SCFD2: variants seen among roughly 807,000 people sequenced by gnomAD.
SCFD2 encodes the protein sec1 family domain-containing protein 2.
Under a neutral mutation model 58.9 loss-of-function variants are expected in SCFD2, and 54 were observed. The observed-to-expected ratio is 0.92, with a 90% CI of 0.74 to 1.15. The LOEUF (loss-of-function observed/expected upper bound fraction) is 1.15, where lower values mean the gene tolerates loss of function less well. Ranked by LOEUF, SCFD2 falls within the 50% of genes most tolerant of loss-of-function variation. The pLI is 0.00. For synonymous variants in SCFD2, 321 were observed against 335.9 expected, an observed-to-expected ratio of 0.96 and a Z score of 0.49; for missense variants, 805 against 836.6, an observed-to-expected ratio of 0.96 and a Z score of 0.47.
chr4:53,227,970 GCA>G (rs1729278589), intron 4 of SCFD2, among the ~76,000 whole-genome samples: 1 of 152,088 alleles, frequency 6.6e-6, no homozygotes, highest in African/African-American at 2.4e-5. Flanking sequence ...GTTATTGAAA[GCA>G]CAGACTTTGG....
At chr4:53,135,806 G>GACTAT (rs1396613570) in intron 5 of SCFD2, among the ~76,000 whole-genome samples, 1 of 151,446 alleles carries the variant, frequency 6.6e-6, no homozygotes, top group Non-Finnish European at 1.5e-5. Flanking sequence ...CTTTTAGTAA[G>GACTAT]ACTATACATC....
chr4:53,057,146 C>T (rs1723366002), intron 5 of SCFD2, among the ~76,000 whole-genome samples: 1 of 152,144 alleles, frequency 6.6e-6, no homozygotes, highest in African/African-American at 2.4e-5. Context: ...GATCGCACCA[C>T]TGCATGCAGC....
rs191417377 is a variant in SCFD2 at position 53,344,919 on chromosome 4, C to A, written c.1007+7679G>T. Reference sequence around the variant, plus strand: ...ACATGTAGAAAGCTGAAACTGGATCCCTTCCTTACACCTTATACAAAAATT... The same window carrying A: ...ACATGTAGAAAGCTGAAACTGGATCACTTCCTTACACCTTATACAAAAATT... On this transcript the variant is annotated intron_variant, in intron 2 of 8. Transcript: ENST00000401642. Among the ~76,000 whole-genome samples, 1,303 of 152,228 alleles carry A rather than the reference C, an allele frequency of 8.6e-3. 12 individuals carry two copies. The highest frequency in any genetic ancestry group is 0.03 in the African/African-American group (1,241 of 41,530).
chr4:53,075,245 GC>G (rs1723936825), intron 5 of SCFD2, among the ~76,000 whole-genome samples: 1 of 152,092 alleles, frequency 6.6e-6, no homozygotes, highest in South Asian at 2.1e-4. Flanking sequence ...ACCTCTCTCA[GC>G]CTTGATAGAA....
intron 3 of SCFD2, among the ~76,000 whole-genome samples, chr4:53,289,960 T>C (rs1181818783): frequency 6.6e-6 from 1 of 152,146 alleles, no homozygotes; most frequent in Non-Finnish European, 1.5e-5. Context: ...GCACCCAACA[T>C]TGGAGCACCT....
intron 7 of SCFD2, among the ~76,000 whole-genome samples, chr4:52,896,848 T>G (rs1487625178): frequency 6.6e-6 from 1 of 152,250 alleles, no homozygotes; most frequent in African/African-American, 2.4e-5. Context: ...GAGCAGTGGT[T>G]TGTAGTTCTC....
chr4:53,313,866 T>A, intron 2 of SCFD2, 103 bp from the exon 3 acceptor site: 2 of 1,016,746 alleles, frequency 2.0e-6, no homozygotes, highest in Non-Finnish European at 2.9e-6. Flanking sequence ...AGCATTAATG[T>A]AGTCTTTCCT....
rs79922420 is a variant in SCFD2, at chr4:52,944,577, T to C, written c.1562-23707A>G. On this transcript the variant is annotated intron_variant, in intron 5 of 8. Coordinates refer to ENST00000401642, the MANE Select transcript of SCFD2 (RefSeq NM_152540.4). Reference sequence around the variant, plus strand: ...TGACTCTTTTATTTAAAAGATTGAATTACCTATGTCTGTTGTTCTAATGAC... The same window carrying C: ...TGACTCTTTTATTTAAAAGATTGAACTACCTATGTCTGTTGTTCTAATGAC... Among the ~76,000 whole-genome samples, 651 of 152,338 alleles carry C rather than the reference T, an allele frequency of 4.3e-3. 4 individuals carry two copies. Among genetic ancestry groups the C allele is most frequent in the African/African-American group, 0.015 (626 of 41,574 alleles).
chr4:52,956,452 C>T (rs1441812777), intron 5 of SCFD2: 6 of 360,028 alleles, frequency 1.7e-5, no homozygotes, highest in Non-Finnish European at 2.2e-5. Context: ...GGCAGGTGGC[C>T]ACCAGGGTCC....
intron 5 of SCFD2, among the ~76,000 whole-genome samples, chr4:52,923,514 A>AAATAAATG (rs1391552012): frequency 6.7e-5 from 10 of 150,060 alleles, no homozygotes; most frequent in African/African-American, 2.5e-4. Context: ...ATAAATAAAT[A>AAATAAATG]AATGTGTGGT....
At chr4:53,015,108 G>T (rs1009481999) in intron 5 of SCFD2, among the ~76,000 whole-genome samples, 1 of 151,698 alleles carries the variant, frequency 6.6e-6, no homozygotes, top group Non-Finnish European at 1.5e-5. Flanking sequence ...AAAATGACCA[G>T]CTGTATTACA....
intron 5 of SCFD2, among the ~76,000 whole-genome samples, chr4:52,932,778 C>T (rs1720030096): frequency 6.6e-6 from 1 of 152,092 alleles, no homozygotes; most frequent in Non-Finnish European, 1.5e-5. Context: ...ACTCTCTGCC[C>T]CAATCTAAGG....
chr4:53,217,247 G>A (rs1728876053), intron 4 of SCFD2, among the ~76,000 whole-genome samples: 1 of 152,094 alleles, frequency 6.6e-6, no homozygotes, highest in African/African-American at 2.4e-5. Flanking sequence ...ACAGTGGGGT[G>A]TTAAAGTCTC....
intron 3 of SCFD2, among the ~76,000 whole-genome samples, chr4:53,311,180 T>C (rs1263474331): frequency 6.6e-6 from 1 of 152,156 alleles, no homozygotes; most frequent in Non-Finnish European, 1.5e-5. Context: ...TGGGCAGCCA[T>C]ACTGTGTTAT....
rs6824132 is a variant in SCFD2 at position 53,343,043 on chromosome 4, G to C, written c.1007+9555C>G. 2.5e-3 allele frequency among the ~76,000 whole-genome samples: 380 copies of C among 151,390 alleles called. 1 individual carries two copies. The highest frequency in any genetic ancestry group is 8.8e-3 in the African/African-American group (364 of 41,386). On this transcript the variant is annotated intron_variant, in intron 2 of 8. Transcript: ENST00000401642. ...AATTGACACCCTAACATCACAATTAGAAGAACTAGAGAAGCAAGAGCAAAC... is the reference window on the plus strand; with the variant it reads ...AATTGACACCCTAACATCACAATTACAAGAACTAGAGAAGCAAGAGCAAAC...
At chr4:53,072,285 G>A (rs1221743895) in intron 5 of SCFD2, among the ~76,000 whole-genome samples, 1 of 152,130 alleles carries the variant, frequency 6.6e-6, no homozygotes, top group Non-Finnish European at 1.5e-5. Flanking sequence ...GGCAGATAGT[G>A]AGGATAAAAG....
At chr4:53,030,191 T>C (rs1229727605) in intron 5 of SCFD2, among the ~76,000 whole-genome samples, 1 of 152,086 alleles carries the variant, frequency 6.6e-6, no homozygotes, top group South Asian at 2.1e-4. Flanking sequence ...CCTAAGAAGA[T>C]ATATGAATGG....
chr4:52,938,267 G>A (rs1437082543), intron 5 of SCFD2, among the ~76,000 whole-genome samples: 1 of 152,160 alleles, frequency 6.6e-6, no homozygotes, highest in African/African-American at 2.4e-5. Context: ...AAAAATAACA[G>A]AGAGGTTGAG....
chr4:53,271,435 C>A (rs1281593031), intron 4 of SCFD2, among the ~76,000 whole-genome samples: 2 of 139,504 alleles, frequency 1.4e-5, no homozygotes, highest in Middle Eastern at 3.6e-3. Context: ...ACATACATCA[C>A]TTTATTTATT....
Sources: allele counts gnomAD v4.1 joint callset (sites outside exome capture counted in the v4.1 genomes callset), GRCh38; gene constraint gnomAD v4.1.1; transcripts MANE v1.5; gene names NCBI Gene and HGNC (gene_info 2026-07-23, HGNC 2026-07-21).